The following CEP290 variants were observed in gnomAD, a reference collection of about 807,000 sequenced individuals.
CEP290 encodes centrosomal protein of 290 kDa.
A neutral mutation model predicts 344.9 loss-of-function variants in CEP290; 317 were observed. That is an observed-to-expected ratio of 0.92 (90% CI 0.84 to 1.01). The LOEUF is 1.01. Ranked by LOEUF, CEP290 falls within the 50% of genes least tolerant of loss-of-function variation. The probability of loss-of-function intolerance (pLI) is 0.00; values close to 1 mark genes in which losing one functional copy is unlikely to be tolerated. For synonymous variants in CEP290, 932 were observed against 895.8 expected (o/e 1.04, Z -0.72); for missense variants, 2,754 against 2,761.4 (o/e 1.00, Z 0.06).
intron 37 of CEP290, among the ~76,000 whole-genome samples, chr12:88,082,416 G>A (rs1003451434): frequency 6.6e-6 from 1 of 152,176 alleles, no homozygotes; most frequent in East Asian, 1.9e-4. Context: ...GATGAGGCTG[G>A]GTGCAATGGC....
chr12:88,069,065 A>C (rs754960268), intron 43 of CEP290, among the ~76,000 whole-genome samples: 1 of 152,174 alleles, frequency 6.6e-6, no homozygotes, highest in Non-Finnish European at 1.5e-5. Context: ...ATTTCAGATA[A>C]TAATTTAACA....
chr12:88,067,602 T>C (rs2035040980), intron 44 of CEP290, among the ~76,000 whole-genome samples: 1 of 152,218 alleles, frequency 6.6e-6, no homozygotes, highest in African/African-American at 2.4e-5. Flanking sequence ...TGTGTCTCTT[T>C]CCTTTCTCAC....
At chr12:88,096,857 C>A in intron 27 of CEP290, 31 bp downstream of exon 27, 2 of 1,041,396 alleles carry the variant, frequency 1.9e-6, no homozygotes, top group South Asian at 1.6e-5. Flanking sequence ...AGATGTTAAT[C>A]ATTTTATATT....
In CEP290 at chr12:88,049,131, T is replaced by TTAAC; in HGVS notation, c.*49_*52dup. 1 of 1,093,162 alleles carries TTAAC rather than the reference T, an allele frequency of 9.1e-7. No individual in the cohort carries two copies. Among genetic ancestry groups the TTAAC allele is most frequent in the South Asian group, 1.5e-5 (1 of 64,716 alleles). 67.7% of individuals were successfully genotyped at this position (1,093,162 alleles called of 1,614,324 possible). A position where few individuals can be genotyped will look rare whatever the true frequency, so the allele number is the denominator to read the frequency against. On this transcript the variant is annotated 3_prime_UTR_variant, in exon 54 of 54. Transcript: ENST00000552810. ...GAGAACTGCTTATTTCCAAGTATATTTAACTTATAAAGTTAATAAATAGTT... is the reference window on the plus strand; with the variant it reads ...GAGAACTGCTTATTTCCAAGTATATTTAACTAACTTATAAAGTTAATAAATAGTT...
rs774510171 is a variant in CEP290 at position 88,063,997 on chromosome 12, T to C, written c.6254A>G (p.Asp2085Gly). The change falls in exon 45 of 54, where the codon GAT (aspartate) becomes GGT (glycine). Residue 2085 changes from aspartate to glycine, a missense_variant. By Grantham distance (94) the Asp-to-Gly change is moderately conservative (BLOSUM62 -1). Transcript: ENST00000552810. ...TAAATTCACCTTTAATCTTGGCAAATCTTTATTTGCTTGTTCAAGCTGAAA... is the reference window on the plus strand; with the variant it reads ...TAAATTCACCTTTAATCTTGGCAAACCTTTATTTGCTTGTTCAAGCTGAAA... ...LKFQLEQANK[D>G]LPRLKNQVRD... 8 of 1,596,508 alleles carry C rather than the reference T, an allele frequency of 5.0e-6. No homozygotes were observed. The highest frequency in any genetic ancestry group is 6.8e-6 in the Non-Finnish European group (8 of 1,172,448).
In CEP290 at chr12:88,102,875, A is replaced by G; in HGVS notation, c.2954T>C (p.Met985Thr). The G allele has an allele frequency of 6.2e-7, 1 of 1,610,830 alleles. No individual in the cohort carries two copies. Among genetic ancestry groups the G allele is most frequent in the Non-Finnish European group, 8.5e-7 (1 of 1,178,514 alleles). Residue 985 changes from methionine (M) to threonine (T), a missense_variant, in exon 26 of 54, where the codon ATG becomes ACG. By Grantham distance (81) the Met-to-Thr change is moderately conservative. Coordinates refer to ENST00000552810, the MANE Select transcript of CEP290 (RefSeq NM_025114.4). ...KYRDILQKDNMLVQRTSNLEH... is the reference protein window; with the variant it reads ...KYRDILQKDNTLVQRTSNLEH... ...CAAGTTACTTGTTCTTTGAACAAGC[A>G]TATTATCTTTTTGCAAGATGTCCCT...
intron 25 of CEP290, chr12:88,103,920 T>G (rs1309836401): frequency 6.6e-6 from 1 of 152,088 alleles, no homozygotes; most frequent in East Asian, 1.9e-4. Flanking sequence ...TAGATGAGAT[T>G]CTATTTCCCA....
Position 88,128,950 on chromosome 12 carries a change from C to T in CEP290, c.938G>A (p.Trp313Ter). ...MVAVNAKVEEWKLILSSKDDE... is the reference protein window; with the variant it reads ...MVAVNAKVEE ...ATGTCAATTGAAAAAAAATACCTTC[C>T]ATTCTTCTACTTTTGCATTGACAGC... Residue 313 changes from tryptophan to a stop codon, truncating the protein, a stop_gained, in exon 11 of 54, where the codon TGG (tryptophan) becomes TAG (stop). Transcript: ENST00000552810. LOFTEE classifies it high-confidence loss of function. 2.0e-6 allele frequency: 3 copies of T among 1,505,628 alleles called. No homozygotes were observed. Among genetic ancestry groups the T allele is most frequent in the Non-Finnish European group, 2.6e-6 (3 of 1,136,766 alleles). 93.3% of individuals were successfully genotyped at this position (1,505,628 alleles called of 1,614,324 possible).
At chr12:88,091,664 G>T (rs953738437) in intron 29 of CEP290, among the ~76,000 whole-genome samples, 1 of 151,822 alleles carries the variant, frequency 6.6e-6, no homozygotes, top group East Asian at 1.9e-4. Context: ...GAGAAGAAAG[G>T]ATCAATTTTT....
chr12:88,075,441 A>C (rs1425525473), intron 41 of CEP290, among the ~76,000 whole-genome samples: 1 of 152,144 alleles, frequency 6.6e-6, no homozygotes, highest in African/African-American at 2.4e-5. Flanking sequence ...TTCAACAAAT[A>C]CTGAGCATCT....
chr12:88,139,923 C>A (rs535126978), intron 3 of CEP290, among the ~76,000 whole-genome samples: 5 of 152,028 alleles, frequency 3.3e-5, no homozygotes, highest in South Asian at 2.1e-4. Flanking sequence ...CCATCATGCT[C>A]GGCAAATTTT....
rs765211180 is a variant in CEP290, at chr12:88,141,217, A to G, written c.91T>C (p.Ser31Pro). Residue 31 changes from serine to proline, a missense_variant, in exon 2 of 54, where the codon TCC becomes CCC. Coordinates refer to ENST00000552810, the MANE Select transcript of CEP290 (RefSeq NM_025114.4). Reference sequence around the variant, plus strand: ...GACCAATTAAGCACCTTGGATAAGGAAATCAATAAATTATCTGCCAGTTCT... The same window carrying G: ...GACCAATTAAGCACCTTGGATAAGGGAATCAATAAATTATCTGCCAGTTCT... ...QEELADNLLI[S>P]LSKVEVNELK... 4 of 1,608,470 alleles carry G rather than the reference A, an allele frequency of 2.5e-6. No individual in the cohort carries two copies. Among genetic ancestry groups the G allele is most frequent in the Non-Finnish European group, 2.5e-6 (3 of 1,177,774 alleles).
Position 88,085,913 on chromosome 12 carries a change from G to T in CEP290, c.4437+126C>A, listed in dbSNP as rs140381695. ...CTATTAGAAACATTATAGGAGAATA[G>T]AAAAATAGTGAAATTAGCAATAGAT... On this transcript the variant is annotated intron_variant, in intron 34 of 53. Coordinates refer to ENST00000552810, the MANE Select transcript of CEP290 (RefSeq NM_025114.4). 8 of 871,222 alleles carry T rather than the reference G, an allele frequency of 9.2e-6. No individual in the cohort carries two copies. The East Asian group carries it at 2.2e-4, about 24-fold the overall frequency. The allele number at this position is 871,222 out of a possible 1,614,324, so 54.0% of individuals were successfully genotyped here.
intron 30 of CEP290, 43 bp from the exon 31 acceptor site, chr12:88,089,530 T>A: frequency 7.5e-7 from 1 of 1,330,110 alleles, no homozygotes; most frequent in Non-Finnish European, 9.8e-7. Context: ...GTTTCAAATT[T>A]TTCCAGTGAA....
chr12:88,084,536 G>T, intron 35 of CEP290, 50 bp downstream of exon 35: 1 of 1,356,868 alleles, frequency 7.4e-7, no homozygotes, highest in Non-Finnish European at 1.0e-6. Flanking sequence ...TTTAGCATTT[G>T]CTTAAAAAAA....
intron 5 of CEP290, among the ~76,000 whole-genome samples, chr12:88,138,798 T>A (rs1384059290): frequency 6.6e-6 from 1 of 152,216 alleles, no homozygotes; most frequent in Non-Finnish European, 1.5e-5. Flanking sequence ...TACATTCATA[T>A]TTTAGCCTTC....
At chr12:88,115,978 C>T (rs2039014284) in intron 18 of CEP290, 1 of 984,684 alleles carries the variant, frequency 1.0e-6, no homozygotes, top group African/African-American at 1.7e-5. Context: ...TGGGAATGAA[C>T]CTGTTCTTCT....
chr12:88,083,983 T>C, intron 35 of CEP290, 29 bp from the exon 36 acceptor site: 1 of 1,348,322 alleles, frequency 7.4e-7, no homozygotes, highest in Non-Finnish European at 1.0e-6. Context: ...AAACTATATC[T>C]TAAATTGTGA....
At chr12:88,140,201 C>T (rs185151812) in intron 3 of CEP290, among the ~76,000 whole-genome samples, 206 of 152,120 alleles carry the variant, frequency 1.4e-3, no homozygotes, top group African/African-American at 4.7e-3. Context: ...TTTTCTGTTC[C>T]AATTGCTATT....
Sources: allele counts gnomAD v4.1 joint callset (sites outside exome capture counted in the v4.1 genomes callset), GRCh38; gene constraint gnomAD v4.1.1; transcripts MANE v1.5; gene names NCBI Gene and HGNC (gene_info 2026-07-23, HGNC 2026-07-21).